The following PINX1 variants were observed in gnomAD, a reference collection of about 807,000 sequenced individuals.
PINX1 encodes PIN2 (TERF1) interacting telomerase inhibitor 1, also known as PIN2/TERF1-interacting telomerase inhibitor 1.
In PINX1, 34 loss-of-function variants were observed where a neutral mutation model predicts 25.4. That is an observed-to-expected ratio of 1.34 (90% CI 1.02 to 1.78). The LOEUF is 1.78. Ranked by LOEUF, PINX1 falls within the 40% of genes most tolerant of loss-of-function variation. The pLI is 0.00. For synonymous variants in PINX1, 197 were observed against 147.7 expected (o/e 1.33, Z -2.42); for missense variants, 592 against 404.9 (o/e 1.46, Z -3.97).
At chr8:10,811,942 G>A (rs1033775743) in intron 6 of PINX1, among the ~76,000 whole-genome samples, 6 of 152,222 alleles carry the variant, frequency 3.9e-5, no homozygotes, top group African/African-American at 9.6e-5. Context: ...GGCCCACTTA[G>A]AAGAGCATGT....
At chr8:10,769,434 C>G (rs1801157502) in intron 6 of PINX1, among the ~76,000 whole-genome samples, 1 of 152,200 alleles carries the variant, frequency 6.6e-6, no homozygotes. Flanking sequence ...TCTACCCAAT[C>G]AATAAGTACT....
At chr8:10,814,022 T>C (rs1332166596) in intron 6 of PINX1, among the ~76,000 whole-genome samples, 6 of 152,120 alleles carry the variant, frequency 3.9e-5, no homozygotes, top group African/African-American at 1.2e-4. Flanking sequence ...CACACGCTTA[T>C]GTACACAGGC....
At chr8:10,824,479 C>A (rs940963122) in intron 5 of PINX1, among the ~76,000 whole-genome samples, 3 of 152,150 alleles carry the variant, frequency 2.0e-5, no homozygotes, top group Admixed American at 2.0e-4. Flanking sequence ...ATACTGACTC[C>A]CTCTTCTCCC....
chr8:10,834,633 G>C (rs777834514), intron 2 of PINX1, 33 bp downstream of exon 2: 4 of 1,608,304 alleles, frequency 2.5e-6, no homozygotes, highest in South Asian at 2.2e-5. Flanking sequence ...TCTTTTCATA[G>C]CTCAGATTTT....
intron 6 of PINX1, among the ~76,000 whole-genome samples, chr8:10,793,640 T>C (rs1801993861): frequency 6.6e-6 from 1 of 152,002 alleles, no homozygotes; most frequent in South Asian, 2.1e-4. Context: ...GACACAGACG[T>C]CCGCTGGAAC....
chr8:10,803,575 T>C (rs919729010), intron 6 of PINX1, among the ~76,000 whole-genome samples: 3 of 152,246 alleles, frequency 2.0e-5, no homozygotes, highest in African/African-American at 7.2e-5. Context: ...GATTTTTGTT[T>C]GTTTCCTTCT....
chr8:10,831,568 ATGTATAATTATG>A, intron 4 of PINX1, 85 bp downstream of exon 4: 1 of 746,678 alleles, frequency 1.3e-6, no homozygotes, highest in Non-Finnish European at 2.4e-6. Context: ...CTCAATAAAT[ATGTATAATTATG>A]TGTCAACTAA....
rs368313925 is a variant in PINX1, at chr8:10,776,318, G to C, written c.472-10402C>G. ...GTGCAGCCTGTAATCCCAGCTACTTGGGAGGCTGAGACAGGAGAATCTCCT... is the reference window on the plus strand; with the variant it reads ...GTGCAGCCTGTAATCCCAGCTACTTCGGAGGCTGAGACAGGAGAATCTCCT... On this transcript the variant is annotated intron_variant, in intron 6 of 6. Transcript: ENST00000314787. Among the ~76,000 whole-genome samples the C allele has an allele frequency of 1.6e-4, 24 of 152,108 alleles. No individual in the cohort carries two copies. In the East Asian group the frequency reaches 2.7e-3, roughly 17 times the overall value.
intron 2 of PINX1, chr8:10,834,205 A>C (rs1798321809): frequency 6.5e-6 from 1 of 153,972 alleles, no homozygotes; most frequent in South Asian, 2.0e-4. Context: ...GAAGAGCAGA[A>C]GAGACAATAG....
intron 4 of PINX1, among the ~76,000 whole-genome samples, 170 bp downstream of exon 4, chr8:10,831,495 T>C (rs1433322584): frequency 6.6e-6 from 1 of 152,234 alleles, no homozygotes; most frequent in Non-Finnish European, 1.5e-5. Flanking sequence ...GCTAATTACG[T>C]TGATGAACAT....
intron 6 of PINX1, among the ~76,000 whole-genome samples, chr8:10,796,335 G>A (rs1242630401): frequency 6.6e-6 from 1 of 152,100 alleles, no homozygotes; most frequent in Admixed American, 6.5e-5. Flanking sequence ...AATAAAAGAG[G>A]TGCGATTTGT....
intron 6 of PINX1, among the ~76,000 whole-genome samples, chr8:10,766,499 C>G (rs1196039985): frequency 6.6e-6 from 1 of 152,332 alleles, no homozygotes; most frequent in South Asian, 2.1e-4. Context: ...CGTGGCCGCT[C>G]TGGCAGCTGC....
chr8:10,816,254 C>G (rs966865705), intron 6 of PINX1, among the ~76,000 whole-genome samples: 5 of 152,174 alleles, frequency 3.3e-5, no homozygotes, highest in African/African-American at 1.2e-4. Flanking sequence ...ACTGTAGTTA[C>G]GTAAGATGTA....
chr8:10,797,279 T>C (rs1452360087), intron 6 of PINX1, among the ~76,000 whole-genome samples: 1 of 152,134 alleles, frequency 6.6e-6, no homozygotes, highest in Non-Finnish European at 1.5e-5. Context: ...GAAACAGTGT[T>C]TCAACCGCAC....
At chr8:10,777,694 G>T (rs1415787090) in intron 6 of PINX1, among the ~76,000 whole-genome samples, 2 of 152,176 alleles carry the variant, frequency 1.3e-5, no homozygotes, top group African/African-American at 4.8e-5. Flanking sequence ...CATGGATTTT[G>T]CATCTCTGTT....
At chr8:10,835,433 A>G (rs1485175554) in intron 1 of PINX1, among the ~76,000 whole-genome samples, 1 of 152,190 alleles carries the variant, frequency 6.6e-6, no homozygotes, top group African/African-American at 2.4e-5. Context: ...TTAATTCACA[A>G]CATACAATAG....
At chr8:10,818,025 G>C (rs1797753574) in intron 6 of PINX1, among the ~76,000 whole-genome samples, 1 of 152,174 alleles carries the variant, frequency 6.6e-6, no homozygotes, top group Non-Finnish European at 1.5e-5. Context: ...GCAGAACCCT[G>C]GCATTAGCAT....
In PINX1 at chr8:10,765,029, G is replaced by C. The variant is rs976486237; in HGVS notation, c.*372C>G. ...AAGCACCATTCATTGTTATTGAAGG[G>C]AACCGAGAGCAAACGGAGATAGTGA... On this transcript the variant is annotated 3_prime_UTR_variant, in exon 7 of 7. Coordinates refer to ENST00000314787, the MANE Select transcript of PINX1 (RefSeq NM_017884.6). 5.4e-6 allele frequency: 1 copy of C among 185,158 alleles called. No individual in the cohort carries two copies. Among genetic ancestry groups the C allele is most frequent in the African/African-American group, 2.3e-5 (1 of 42,586 alleles). 11.5% of individuals were successfully genotyped at this position (185,158 alleles called of 1,614,324 possible).
Position 10,793,610 on chromosome 8 carries a change from G to T in PINX1, c.471+26583C>A, listed in dbSNP as rs574150563. 9.2e-5 allele frequency among the ~76,000 whole-genome samples: 14 copies of T among 152,098 alleles called. No homozygotes were observed. The South Asian group carries it at 1.9e-3, about 20-fold the overall frequency. ...TACCTTTCTACCAAAAAGCTTCTAA[G>T]GAATTAATGCTAAAGAAAGGACACA... On this transcript the variant is annotated intron_variant, in intron 6 of 6. Coordinates refer to ENST00000314787, the MANE Select transcript of PINX1 (RefSeq NM_017884.6).
Sources: allele counts gnomAD v4.1 joint callset (sites outside exome capture counted in the v4.1 genomes callset), GRCh38; gene constraint gnomAD v4.1.1; transcripts MANE v1.5; gene names NCBI Gene and HGNC (gene_info 2026-07-23, HGNC 2026-07-21).